Variants in RAP1A observed in about 807,000 individuals in gnomAD.
The protein encoded by RAP1A is ras-related protein Rap-1A.
Under a neutral mutation model 26.4 loss-of-function variants are expected in RAP1A, and 6 were observed. That is an observed-to-expected ratio of 0.23 (90% CI 0.12 to 0.45). RAP1A has a LOEUF of 0.45. Among genes scored for constraint, RAP1A ranks in the 20% least tolerant of loss-of-function variants. The pLI, the probability that RAP1A is intolerant of heterozygous loss-of-function variation, is 0.99. For missense variants in RAP1A, 121 were observed against 217.2 expected (o/e 0.56, Z 2.78); for synonymous variants, 73 against 79.4 (o/e 0.92, Z 0.43).
intron 1 of RAP1A, among the ~76,000 whole-genome samples, chr1:111,577,180 A>G (rs1571479778): frequency 6.6e-6 from 1 of 152,162 alleles, no homozygotes; most frequent in East Asian, 1.9e-4. Flanking sequence ...AGGCAGGCGG[A>G]TCACCGGAGG....
intron 1 of RAP1A, among the ~76,000 whole-genome samples, chr1:111,654,379 A>T (rs1477371225): frequency 2.0e-5 from 3 of 152,094 alleles, no homozygotes; most frequent in African/African-American, 4.8e-5. Flanking sequence ...ATCACACCTG[A>T]GTTAGGTGGT....
At chr1:111,547,916 A>G (rs1657097880) in intron 1 of RAP1A, among the ~76,000 whole-genome samples, 1 of 152,262 alleles carries the variant, frequency 6.6e-6, no homozygotes, top group Non-Finnish European at 1.5e-5. Context: ...CCCTCCAGAA[A>G]GTAAACAAGT....
At chr1:111,627,756 G>C (rs1394498409) in intron 1 of RAP1A, among the ~76,000 whole-genome samples, 1 of 151,312 alleles carries the variant, frequency 6.6e-6, no homozygotes, top group Non-Finnish European at 1.5e-5. Context: ...AAAAATTACT[G>C]ATTAAAGTTG....
At chr1:111,672,190 A>G (rs1660996035) in intron 1 of RAP1A, among the ~76,000 whole-genome samples, 1 of 152,112 alleles carries the variant, frequency 6.6e-6, no homozygotes, top group African/African-American at 2.4e-5. Context: ...GTTCTGTTAA[A>G]TTCTATTCAT....
Position 111,687,130 on chromosome 1 carries a change from G to A in RAP1A, c.-27-4204G>A, listed in dbSNP as rs1427650543. Among the ~76,000 whole-genome samples, 4 of 150,174 alleles carry A rather than the reference G, an allele frequency of 2.7e-5. No individual in the cohort carries two copies. In the South Asian group the frequency reaches 6.3e-4, roughly 24 times the overall value. The stretch of plus-strand genomic sequence containing the variant: ...ATTCTACCATCTTGCCTTTTGCCTT[G>A]TATTTGTCCCATTTTTTTCTTTGCT... On this transcript the variant is annotated intron_variant, in intron 1 of 7. Coordinates refer to ENST00000369709, the MANE Select transcript of RAP1A (RefSeq NM_002884.4).
intron 3 of RAP1A, among the ~76,000 whole-genome samples, chr1:111,696,533 G>C (rs1321985664): frequency 2.0e-5 from 3 of 152,144 alleles, no homozygotes; most frequent in African/African-American, 7.2e-5. Context: ...TCTGACCAGT[G>C]GTGCCCCTCA....
intron 1 of RAP1A, among the ~76,000 whole-genome samples, chr1:111,621,888 G>A (rs929079915): frequency 3.9e-5 from 6 of 151,980 alleles, no homozygotes; most frequent in Non-Finnish European, 5.9e-5. Flanking sequence ...TTTTTGTATG[G>A]CTTCAAGAAG....
chr1:111,704,894 G>A lies in RAP1A; in HGVS notation c.468+408G>A, dbSNP rs189986266. Among the ~76,000 whole-genome samples the A allele has an allele frequency of 1.9e-3, 294 of 152,272 alleles. 1 individual carries two copies. The highest frequency in any genetic ancestry group is 7.0e-3 in the African/African-American group (289 of 41,540). On this transcript the variant is annotated intron_variant, in intron 6 of 7. Coordinates refer to ENST00000369709, the MANE Select transcript of RAP1A (RefSeq NM_002884.4). ...TGGATATCACAGAATTGTGTTCTGA[G>A]TCTTACCTCACCTTTGGTGCATGAC...
chr1:111,575,135 A>ATTTCTTTC (rs200582125), intron 1 of RAP1A, among the ~76,000 whole-genome samples: 2 of 151,574 alleles, frequency 1.3e-5, no homozygotes, highest in Non-Finnish European at 2.9e-5. Flanking sequence ...AAGTTACTGA[A>ATTTCTTTC]TTTCTTTCTT....
At chr1:111,661,007 T>G (rs922464819) in intron 1 of RAP1A, among the ~76,000 whole-genome samples, 1 of 152,352 alleles carries the variant, frequency 6.6e-6, no homozygotes, top group East Asian at 1.9e-4. Context: ...CATTGCTTTT[T>G]GTTTTCTGGA....
chr1:111,665,241 A>G (rs533544461), intron 1 of RAP1A, among the ~76,000 whole-genome samples: 91 of 152,308 alleles, frequency 6.0e-4, no homozygotes, highest in African/African-American at 2.1e-3. Flanking sequence ...CTTAGTTATA[A>G]TTATGCATTT....
intron 1 of RAP1A, among the ~76,000 whole-genome samples, chr1:111,679,519 T>G (rs1031446961): frequency 2.2e-4 from 33 of 151,838 alleles, no homozygotes; most frequent in Non-Finnish European, 4.3e-4. Flanking sequence ...TTTCTTTTCT[T>G]TTTTTTTGTA....
chr1:111,578,588 T>G (rs188887173), intron 1 of RAP1A, among the ~76,000 whole-genome samples: 1 of 151,792 alleles, frequency 6.6e-6, no homozygotes, highest in Admixed American at 6.6e-5. Flanking sequence ...AATAACAGAG[T>G]GTAAAAGGAA....
intron 1 of RAP1A, among the ~76,000 whole-genome samples, chr1:111,674,809 C>T (rs910837495): frequency 1.3e-5 from 2 of 152,096 alleles, no homozygotes; most frequent in Non-Finnish European, 2.9e-5. Context: ...CCTCTTCAGC[C>T]CTATTGCTCC....
intron 1 of RAP1A, among the ~76,000 whole-genome samples, chr1:111,607,591 G>A: frequency 6.6e-6 from 1 of 150,678 alleles, no homozygotes; most frequent in African/African-American, 2.4e-5. Context: ...AGGGGCGGCT[G>A]GGCAGAGGCG....
chr1:111,630,241 A>G (rs1266196410), intron 1 of RAP1A, among the ~76,000 whole-genome samples: 2 of 152,194 alleles, frequency 1.3e-5, no homozygotes, highest in African/African-American at 4.8e-5. Flanking sequence ...TGAATAGAAT[A>G]TTATGTACAT....
Position 111,695,262 on chromosome 1 carries a change from C to A in RAP1A, c.58-79C>A, listed in dbSNP as rs900702942. On this transcript the variant is annotated intron_variant, in intron 2 of 7. Transcript: ENST00000369709. ...GAATTTTCACATAATTTCAATTAAT[C>A]ATTATAATTTGTAGGTTAAGTAACA... is the stretch of plus-strand genomic sequence containing the variant. The A allele has an allele frequency of 9.8e-6, 10 of 1,020,210 alleles. No individual in the cohort carries two copies. In the African/African-American group the frequency reaches 1.4e-4, roughly 14 times the overall value. 63.2% of individuals were successfully genotyped at this position (1,020,210 alleles called of 1,614,324 possible). A position where few individuals can be genotyped will look rare whatever the true frequency, so the allele number is the denominator to read the frequency against.
intron 1 of RAP1A, chr1:111,648,972 A>C (rs998861460): frequency 2.5e-5 from 16 of 646,078 alleles, no homozygotes; most frequent in Non-Finnish European, 4.4e-5. Context: ...GAGAGCCTCG[A>C]TCTCTGGCTT....
chr1:111,622,568 A>G (rs940817951), intron 1 of RAP1A, among the ~76,000 whole-genome samples: 5 of 151,794 alleles, frequency 3.3e-5, no homozygotes, highest in African/African-American at 9.7e-5. Flanking sequence ...CCTACCTTAT[A>G]CTCTTAAGAC....
Sources: gnomAD v4.1 joint callset for allele counts (sites outside exome capture counted in the v4.1 genomes callset) on GRCh38, gnomAD v4.1.1 for gene constraint, MANE v1.5 for transcripts, NCBI Gene and HGNC (gene_info 2026-07-23, HGNC 2026-07-21) for gene names.